NRXN1: variants seen among roughly 807,000 people sequenced by gnomAD.
NRXN1 encodes neurexin 1, also known as neurexin-1.
NRXN1 carries 39 observed loss-of-function variants against 150.9 expected under a neutral mutation model. That is an observed-to-expected ratio of 0.26 (90% CI 0.20 to 0.34). NRXN1 has a LOEUF of 0.34. Ranked by LOEUF, NRXN1 falls within the 10% of genes least tolerant of loss-of-function variation. The pLI is 1.00. For synonymous variants in NRXN1, 924 were observed against 757.0 expected, an observed-to-expected ratio of 1.22 and a Z score of -3.62; for missense variants, 1,815 against 1,949.9, an observed-to-expected ratio of 0.93 and a Z score of 1.30.
chr2:50,722,772 C>T (rs1416610556), intron 5 of NRXN1, among the ~76,000 whole-genome samples: 2 of 152,132 alleles, frequency 1.3e-5, no homozygotes, highest in African/African-American at 4.8e-5. Flanking sequence ...ATTTGAAATT[C>T]TTTCGAATTG....
intron 9 of NRXN1, among the ~76,000 whole-genome samples, chr2:50,550,014 A>C (rs1234428246): frequency 1.3e-5 from 2 of 152,168 alleles, no homozygotes; most frequent in African/African-American, 4.8e-5. Context: ...CAAAAATATA[A>C]ATCATTATTT....
At chr2:50,506,084 A>G (rs1366668262) in intron 13 of NRXN1, among the ~76,000 whole-genome samples, 3 of 152,162 alleles carry the variant, frequency 2.0e-5, no homozygotes, top group Admixed American at 6.5e-5. Context: ...CCAGATAGAT[A>G]AACGCCAGTA....
chr2:50,560,703 T>A (rs1211361291), intron 8 of NRXN1, among the ~76,000 whole-genome samples: 1 of 152,056 alleles, frequency 6.6e-6, no homozygotes, highest in Non-Finnish European at 1.5e-5. Context: ...AACTAATGCA[T>A]CTTTAAAAAC....
At chr2:50,963,988 T>G in intron 2 of NRXN1, 1 of 441,956 alleles carries the variant, frequency 2.3e-6, no homozygotes, top group Non-Finnish European at 4.6e-6. Context: ...GTCCTTCTCT[T>G]TATGAAAAAT....
chr2:50,572,118 T>TA lies in NRXN1; in HGVS notation c.1321-19094dup, dbSNP rs1670756593. Among the ~76,000 whole-genome samples, 5 of 152,128 alleles carry TA rather than the reference T, an allele frequency of 3.3e-5. 1 individual carries two copies. The South Asian group carries it at 1.0e-3, about 32-fold the overall frequency. ...GTGGACCCAGAGAAAACAGGAGGAC[T>TA]AAGGGGTCAGCAGAGGTCTGGAGCT... On this transcript the variant is annotated intron_variant, in intron 8 of 22. Transcript: ENST00000401669.
intron 19 of NRXN1, among the ~76,000 whole-genome samples, chr2:50,062,722 G>T (rs183457997): frequency 2.6e-5 from 4 of 152,086 alleles, no homozygotes; most frequent in Non-Finnish European, 5.9e-5. Flanking sequence ...GATCAGTAGA[G>T]ACAAGCTATA....
intron 5 of NRXN1, among the ~76,000 whole-genome samples, chr2:50,855,165 G>T (rs924442135): frequency 1.1e-4 from 16 of 151,784 alleles, no homozygotes; most frequent in African/African-American, 3.1e-4. Context: ...TAAGGGAAGA[G>T]AATATATTAC....
At chr2:50,350,692 C>T (rs1473430130) in intron 17 of NRXN1, among the ~76,000 whole-genome samples, 1 of 152,138 alleles carries the variant, frequency 6.6e-6, no homozygotes, top group Non-Finnish European at 1.5e-5. Flanking sequence ...TGTGAATAAC[C>T]TTCCCAAGAG....
At chr2:50,724,309 CTT>C in intron 5 of NRXN1, among the ~76,000 whole-genome samples, 1 of 152,202 alleles carries the variant, frequency 6.6e-6, no homozygotes, top group Non-Finnish European at 1.5e-5. Context: ...TCCTGGGAAA[CTT>C]TTTCATATGC....
intron 5 of NRXN1, among the ~76,000 whole-genome samples, chr2:50,670,043 C>T (rs1320619287): frequency 2.6e-5 from 4 of 151,692 alleles, no homozygotes; most frequent in South Asian, 4.2e-4. Context: ...TAGTTTTATA[C>T]ATGTATAGTC....
intron 17 of NRXN1, among the ~76,000 whole-genome samples, chr2:50,281,319 A>AACCAATAATAAT (rs2071431697): frequency 8.3e-6 from 1 of 120,516 alleles, no homozygotes; most frequent in African/African-American, 3.0e-5. Flanking sequence ...TCCGTCTCAA[A>AACCAATAATAAT]AACAATAATA....
chr2:50,944,311 A>G (rs1689968872), intron 2 of NRXN1, among the ~76,000 whole-genome samples: 1 of 152,200 alleles, frequency 6.6e-6, no homozygotes, highest in Admixed American at 6.5e-5. Context: ...ACAGCTAAGC[A>G]GGAAACTCGG....
intron 5 of NRXN1, among the ~76,000 whole-genome samples, chr2:50,628,840 C>T (rs564078290): frequency 1.5e-4 from 22 of 151,454 alleles, no homozygotes; most frequent in Admixed American, 9.2e-4. Flanking sequence ...AAAACAAAAA[C>T]GCAACACAAG....
At chr2:50,091,136 A>C (rs922416370) in intron 19 of NRXN1, among the ~76,000 whole-genome samples, 187 bp downstream of exon 19, 1 of 152,206 alleles carries the variant, frequency 6.6e-6, no homozygotes, top group African/African-American at 2.4e-5. Flanking sequence ...TTCTCCTATA[A>C]AATGGCATTT....
In NRXN1 at chr2:50,080,686, G is replaced by A. The variant is rs563973238; in HGVS notation, c.3718+10637C>T. On this transcript the variant is annotated intron_variant, in intron 19 of 22. Transcript: ENST00000401669. The stretch of plus-strand genomic sequence containing the variant: ...AAAATAAATTTATTAGAAGGATAAT[G>A]GCATTCTTATGATCCTATTTTGGAG... Among the ~76,000 whole-genome samples, 39 of 152,166 alleles carry A rather than the reference G, an allele frequency of 2.6e-4. 1 individual carries two copies. Among genetic ancestry groups the A allele is most frequent in the African/African-American group, 8.4e-4 (35 of 41,510 alleles).
intron 17 of NRXN1, among the ~76,000 whole-genome samples, chr2:50,363,806 A>C (rs1426176129): frequency 6.6e-6 from 1 of 152,150 alleles, no homozygotes; most frequent in Admixed American, 6.6e-5. Flanking sequence ...GTTTATTGCA[A>C]CACTATTCAC....
intron 12 of NRXN1, among the ~76,000 whole-genome samples, chr2:50,523,320 T>C (rs1336092233): frequency 6.6e-6 from 1 of 152,162 alleles, no homozygotes; most frequent in African/African-American, 2.4e-5. Context: ...GGCAGGTGGA[T>C]AGCACCAGTC....
At chr2:50,087,200 C>T (rs545039656) in intron 19 of NRXN1, among the ~76,000 whole-genome samples, 1 of 152,264 alleles carries the variant, frequency 6.6e-6, no homozygotes, top group East Asian at 1.9e-4. Context: ...AGCACTTTCT[C>T]ACATTTTATA....
At chr2:50,377,970 C>G (rs1184593037) in intron 17 of NRXN1, among the ~76,000 whole-genome samples, 2 of 152,100 alleles carry the variant, frequency 1.3e-5, no homozygotes, top group African/African-American at 4.8e-5. Context: ...AAGAACTGTC[C>G]AAGTTCAATG....
Sources: allele counts gnomAD v4.1 joint callset (sites outside exome capture counted in the v4.1 genomes callset), GRCh38; gene constraint gnomAD v4.1.1; transcripts MANE v1.5; gene names NCBI Gene and HGNC (gene_info 2026-07-23, HGNC 2026-07-21).